The following ABCC5 variants were observed in gnomAD, a reference collection of about 807,000 sequenced individuals.
ABCC5 encodes ATP-binding cassette sub-family C member 5.
In ABCC5, 61 loss-of-function variants were observed where a neutral mutation model predicts 160.9. The observed-to-expected ratio is 0.38, with a 90% CI of 0.31 to 0.47. The LOEUF is 0.47. Ranked by LOEUF, ABCC5 falls within the 20% of genes least tolerant of loss-of-function variation. ABCC5 has a pLI of 0.99. For synonymous variants in ABCC5, 666 were observed against 700.6 expected (o/e 0.95, Z 0.78); for missense variants, 1,308 against 1,813.3 (o/e 0.72, Z 5.06).
chr3:183,921,429 C>T lies in ABCC5; in HGVS notation c.4213-28G>A. 5.0e-6 allele frequency: 8 copies of T among 1,608,764 alleles called. No individual in the cohort carries two copies. Among genetic ancestry groups the T allele is most frequent in the Non-Finnish European group, 6.8e-6 (8 of 1,177,486 alleles). ...GCAAAAGAAGGAGACGCCGTCAGGA[C>T]ACAGCTCTGGGTCATGCAGGGTGAT... On this transcript the variant is annotated intron_variant, in intron 29 of 29. Coordinates refer to ENST00000334444, the MANE Select transcript of ABCC5 (RefSeq NM_005688.4). This position sits in a 1 kb window ranked among gnomAD's most constrained non-coding sequence, Gnocchi z 4.1.
rs919614727 is a variant in ABCC5 at position 183,988,042 on chromosome 3, T to C, written c.444-125A>G. 3 of 1,059,138 alleles carry C rather than the reference T, an allele frequency of 2.8e-6. No homozygotes were observed. The African/African-American group carries it at 4.7e-5, about 17-fold the overall frequency. The allele number at this position is 1,059,138 out of a possible 1,614,324, so 65.6% of individuals were successfully genotyped here. On this transcript the variant is annotated intron_variant, in intron 4 of 29. Coordinates refer to ENST00000334444, the MANE Select transcript of ABCC5 (RefSeq NM_005688.4). The surrounding 1 kb of genome is among the most constrained non-coding windows in gnomAD (Gnocchi z 4.4). ...CTCACACAAGTCTCTCCTTTAAAAT[T>C]ATGTACATAGTCTTCACCTTCTGGG...
intron 2 of ABCC5, among the ~76,000 whole-genome samples, chr3:183,996,586 A>AT (rs1377208796): frequency 6.6e-6 from 1 of 152,234 alleles, no homozygotes; most frequent in African/African-American, 2.4e-5. Context: ...GCAAGTCTTC[A>AT]TTCCCCAGGT....
Position 183,921,103 on chromosome 3 carries a change from T to C in ABCC5, c.*197A>G. 2.2e-6 allele frequency: 1 copy of C among 449,924 alleles called. No individual in the cohort carries two copies. 27.9% of individuals were successfully genotyped at this position (449,924 alleles called of 1,614,324 possible). ...TTAAGAACAAAAACTAAATTTTGTT[T>C]ACATGAATATGGAATAAATACAATA... On this transcript the variant is annotated 3_prime_UTR_variant, in exon 30 of 30. Transcript: ENST00000334444. The surrounding 1 kb of genome is among the most constrained non-coding windows in gnomAD (Gnocchi z 4.1).
At chr3:184,004,038 A>G (rs1720966255) in intron 2 of ABCC5, among the ~76,000 whole-genome samples, 1 of 152,202 alleles carries the variant, frequency 6.6e-6, no homozygotes, top group African/African-American at 2.4e-5. Context: ...TCTGGGTTCT[A>G]TCCCAGAGAC....
chr3:183,974,423 T>C (rs1718037519), intron 10 of ABCC5, among the ~76,000 whole-genome samples: 1 of 152,164 alleles, frequency 6.6e-6, no homozygotes, highest in Non-Finnish European at 1.5e-5. Flanking sequence ...TTCTCCTGTG[T>C]CAGCCCTCCT....
chr3:183,987,902 CCA>C lies in ABCC5; in HGVS notation c.457_458del (p.Trp153AlafsTer6). On this transcript the variant is annotated frameshift_variant, in exon 5 of 30. Coordinates refer to ENST00000334444, the MANE Select transcript of ABCC5 (RefSeq NM_005688.4). LOFTEE classifies it high-confidence loss of function. This position sits in a 1 kb window ranked among gnomAD's most constrained non-coding sequence, Gnocchi z 4.2. ...DVNCRRLERLWQEELNEVGPD... is the reference protein window; with the variant it reads ...DVNCRRLERLXQEELNEVGPD... Reference sequence around the variant, plus strand: ...GCCCAACTTCATTCAGCTCTTCTTGCCACAGTCTCTCTAGTCTTAACAAGGGC... The same window carrying C: ...GCCCAACTTCATTCAGCTCTTCTTGCCAGTCTCTCTAGTCTTAACAAGGGC... 1.2e-6 allele frequency: 2 copies of C among 1,614,120 alleles called. No homozygotes were observed. The highest frequency in any genetic ancestry group is 1.7e-4 in the Middle Eastern group (1 of 6,050).
chr3:183,992,295 G>C (rs993360245), intron 2 of ABCC5, among the ~76,000 whole-genome samples: 2 of 152,228 alleles, frequency 1.3e-5, no homozygotes, highest in African/African-American at 2.4e-5. Context: ...AGGATTGCTT[G>C]AGCTCAGGAG....
chr3:183,981,786 G>C lies in ABCC5; in HGVS notation c.1088C>G (p.Thr363Ser), dbSNP rs1371009838. ...ATACATTTTGATAAATTTAATGTAA[G>C]TAAGAACTTCATTCATCTTCTGGAC... Reference protein sequence around the residue: ...ERVQKMNEVLTYIKFIKMYAW... With the variant: ...ERVQKMNEVLSYIKFIKMYAW... Residue 363 changes from threonine (T) to serine (S), a missense_variant, in exon 8 of 30, where the codon ACT becomes AGT. By Grantham distance (58) the Thr-to-Ser change is moderately conservative. Coordinates refer to ENST00000334444, the MANE Select transcript of ABCC5 (RefSeq NM_005688.4). The C allele has an allele frequency of 1.2e-6, 2 of 1,610,772 alleles. No homozygotes were observed. The highest frequency in any genetic ancestry group is 1.7e-6 in the Non-Finnish European group (2 of 1,179,046).
intron 16 of ABCC5, among the ~76,000 whole-genome samples, chr3:183,961,128 C>T (rs1168161165): frequency 1.3e-5 from 2 of 152,162 alleles, no homozygotes; most frequent in African/African-American, 4.8e-5. Flanking sequence ...ATTTCCCTAC[C>T]TTGGCACTTT....
rs1413588603 is a variant in ABCC5, at chr3:183,925,576, A to C, written c.4191T>G (p.Ile1397Met). 1.2e-6 allele frequency: 2 copies of C among 1,613,962 alleles called. No individual in the cohort carries two copies. Among genetic ancestry groups the C allele is most frequent in the Admixed American group, 3.3e-5 (2 of 59,982 alleles). The change falls in exon 29 of 30, where the codon ATT becomes ATG. Residue 1397 changes from isoleucine (I) to methionine (M), a missense_variant. Coordinates refer to ENST00000334444, the MANE Select transcript of ABCC5 (RefSeq NM_005688.4). Reference sequence around the variant, plus strand: ...GTACCTGTCCCTGGGCCAGCACCATAATCCTATCGGAGCCTAGAACCGTGT... The same window carrying C: ...GTACCTGTCCCTGGGCCAGCACCATCATCCTATCGGAGCCTAGAACCGTGT... ...RLHTVLGSDR[I>M]MVLAQGQVVE... is the part of the protein sequence containing the mutation.
chr3:183,973,817 C>T (rs1717981990), intron 10 of ABCC5, among the ~76,000 whole-genome samples: 1 of 152,198 alleles, frequency 6.6e-6, no homozygotes, highest in African/African-American at 2.4e-5. Flanking sequence ...ATCACCTTCA[C>T]AGAGTAAAAC....
intron 2 of ABCC5, among the ~76,000 whole-genome samples, chr3:183,999,938 T>A (rs1391861869): frequency 6.6e-6 from 1 of 152,158 alleles, no homozygotes; most frequent in Non-Finnish European, 1.5e-5. Context: ...CCAGCTATGA[T>A]GGGGGACAGC....
At position 183,949,842 on chromosome 3, in the gene ABCC5, C is replaced by A. The variant is rs776734792; in HGVS notation, c.3138G>T (p.Thr1046=). 1.9e-6 allele frequency: 3 copies of A among 1,614,146 alleles called. No homozygotes were observed. The highest frequency in any genetic ancestry group is 2.2e-5 in the East Asian group (1 of 44,882). ...TGATGTGGGAGAGGAAAGGTGACTGCGTGATATTGTCCAGACGCTTCAGCT... is the reference window on the plus strand; with the variant it reads ...TGATGTGGGAGAGGAAAGGTGACTGAGTGATATTGTCCAGACGCTTCAGCT... ...IRELKRLDNI[T]QSPFLSHITS... The change falls in exon 22 of 30, where the codon ACG becomes ACT. Residue 1046 remains threonine, a synonymous_variant. Coordinates refer to ENST00000334444, the MANE Select transcript of ABCC5 (RefSeq NM_005688.4). The surrounding 1 kb of genome is among the most constrained non-coding windows in gnomAD (Gnocchi z 4.2).
At chr3:183,923,825 A>G (rs868805089) in intron 29 of ABCC5, among the ~76,000 whole-genome samples, 28 of 152,222 alleles carry the variant, frequency 1.8e-4, no homozygotes, top group African/African-American at 5.5e-4. Flanking sequence ...ATGAGGAGAA[A>G]AATCCTTAGC....
At chr3:183,968,736 T>A (rs980312161) in intron 11 of ABCC5, among the ~76,000 whole-genome samples, 11 of 152,210 alleles carry the variant, frequency 7.2e-5, no homozygotes, top group Non-Finnish European at 1.3e-4. Flanking sequence ...CCAGTTCAAG[T>A]GTCCCCAGGA....
rs1577554272 is a variant in ABCC5 at position 183,967,631 on chromosome 3, G to A, written c.1833+64C>T. 23 of 1,444,442 alleles carry A rather than the reference G, an allele frequency of 1.6e-5. No individual in the cohort carries two copies. In the East Asian group the frequency reaches 1.8e-4, roughly 12 times the overall value. 89.5% of individuals were successfully genotyped at this position (1,444,442 alleles called of 1,614,324 possible). On this transcript the variant is annotated intron_variant, in intron 12 of 29. Transcript: ENST00000334444. ...TCCTGACTCTCCAGGAAATTTGTTC[G>A]TTTTTCCTGAGACTCTTGCAAACCA...
chr3:184,001,360 AT>A, intron 2 of ABCC5: 1 of 432,940 alleles, frequency 2.3e-6, no homozygotes. Flanking sequence ...ATTATTAGGT[AT>A]TTTACAAACG....
chr3:183,975,476 G>A (rs1168203191), intron 10 of ABCC5, among the ~76,000 whole-genome samples: 1 of 151,790 alleles, frequency 6.6e-6, no homozygotes, highest in African/African-American at 2.4e-5. Flanking sequence ...CGAGTAGCTG[G>A]GACTACAGGC....
intron 24 of ABCC5, among the ~76,000 whole-genome samples, chr3:183,944,221 C>A (rs971974116): frequency 1.3e-5 from 2 of 152,006 alleles, no homozygotes; most frequent in African/African-American, 4.8e-5. Context: ...ATGGCGAAAC[C>A]TATCTCTACA....
Sources: allele counts gnomAD v4.1 joint callset (sites outside exome capture counted in the v4.1 genomes callset), GRCh38; gene constraint gnomAD v4.1.1; non-coding constraint Gnocchi (gnomAD v3.1); transcripts MANE v1.5; gene names NCBI Gene and HGNC (gene_info 2026-07-23, HGNC 2026-07-21).